GNL2: variants seen among roughly 807,000 people sequenced by gnomAD.
GNL2 encodes G protein nucleolar 2.
GNL2 carries 51 observed loss-of-function variants against 92.3 expected under a neutral mutation model. The observed-to-expected ratio is 0.55, with a 90% CI of 0.44 to 0.70. The LOEUF (loss-of-function observed/expected upper bound fraction) is 0.70. GNL2 is among the 30% of genes least tolerant of loss of function. The probability of loss-of-function intolerance (pLI) is 0.00; values close to 1 mark genes in which losing one functional copy is unlikely to be tolerated. For missense variants in GNL2, 844 were observed against 895.6 expected (o/e 0.94, Z 0.74); for synonymous variants, 283 against 300.6 (o/e 0.94, Z 0.61).
chr1:37,577,589 T>A (rs996077192), intron 8 of GNL2, among the ~76,000 whole-genome samples: 26 of 152,114 alleles, frequency 1.7e-4, no homozygotes, highest in Non-Finnish European at 1.0e-4. Flanking sequence ...AAAAGTAGTA[T>A]CAAACTTGGC....
chr1:37,569,544 T>C, intron 12 of GNL2: 1 of 442,008 alleles, frequency 2.3e-6, no homozygotes, highest in Non-Finnish European at 4.0e-6. Context: ...TAAGACTATT[T>C]AAACCATTAA....
intron 4 of GNL2, 146 bp downstream of exon 4, chr1:37,590,560 G>A (rs1191563920): frequency 3.0e-6 from 2 of 672,912 alleles, no homozygotes; most frequent in Non-Finnish European, 5.1e-6. Flanking sequence ...AACATGAAAA[G>A]GTGAAAAGAG....
intron 4 of GNL2, among the ~76,000 whole-genome samples, chr1:37,588,456 C>G (rs1157601510): frequency 6.6e-6 from 1 of 152,144 alleles, no homozygotes; most frequent in East Asian, 1.9e-4. Context: ...ACCCACAACT[C>G]AGTTTAGTTT....
In GNL2 at chr1:37,575,534, AG is replaced by A; in HGVS notation, c.1143+60del. On this transcript the variant is annotated intron_variant, in intron 10 of 15. Coordinates refer to ENST00000373062, the MANE Select transcript of GNL2 (RefSeq NM_013285.3). This position sits in a 1 kb window ranked among gnomAD's most constrained non-coding sequence, Gnocchi z 4.1. ...TAATAAGTAAAAAGGAAAGGTATCCAGGGTTCCCTATAGAACACTCCCCCGC... is the reference window on the plus strand; with the variant it reads ...TAATAAGTAAAAAGGAAAGGTATCCAGGTTCCCTATAGAACACTCCCCCGC... 1.1e-6 allele frequency: 1 copy of A among 951,930 alleles called. No individual in the cohort carries two copies. The highest frequency in any genetic ancestry group is 1.6e-6 in the Non-Finnish European group (1 of 644,134). 59.0% of individuals were successfully genotyped at this position (951,930 alleles called of 1,614,324 possible). A position where few individuals can be genotyped will look rare whatever the true frequency, so the allele number is the denominator to read the frequency against.
At chr1:37,588,924 T>C (rs1643871619) in intron 4 of GNL2, among the ~76,000 whole-genome samples, 1 of 152,260 alleles carries the variant, frequency 6.6e-6, no homozygotes, top group African/African-American at 2.4e-5. Context: ...ACAAAGAAGC[T>C]GACTGGTGCA....
intron 12 of GNL2, among the ~76,000 whole-genome samples, chr1:37,574,036 G>A (rs1309070419): frequency 3.3e-5 from 5 of 152,100 alleles, no homozygotes; most frequent in African/African-American, 1.2e-4. Flanking sequence ...GGGACTACAG[G>A]AGCGTGCCAT....
rs1003758434 is a variant in GNL2, at chr1:37,575,093, T to C, written c.1144-270A>G. On this transcript the variant is annotated intron_variant, in intron 10 of 15. Transcript: ENST00000373062. The surrounding 1 kb of genome is among the most constrained non-coding windows in gnomAD (Gnocchi z 4.1). ...CTGCCACAGTTTAAACTTGGAATGC[T>C]TCATGTTACTCACTTGCAGAAATGG... 6.6e-6 allele frequency among the ~76,000 whole-genome samples: 1 copy of C among 152,194 alleles called. No homozygotes were observed. Among genetic ancestry groups the C allele is most frequent in the African/African-American group, 2.4e-5 (1 of 41,448 alleles).
chr1:37,593,667 G>A (rs1643901478), intron 2 of GNL2, 95 bp downstream of exon 2: 2 of 767,198 alleles, frequency 2.6e-6, no homozygotes, highest in African/African-American at 1.7e-5. Flanking sequence ...CTATTTGGAG[G>A]AAGTGGGGGT....
chr1:37,591,021 C>T (rs113503602), intron 3 of GNL2, among the ~76,000 whole-genome samples, 176 bp from the exon 4 acceptor site: 46 of 152,292 alleles, frequency 3.0e-4, no homozygotes, highest in African/African-American at 1.1e-3. Context: ...CTGCCTCTCC[C>T]GCACTTGCAC....
intron 12 of GNL2, chr1:37,569,788 C>T (rs1643567619): frequency 6.5e-6 from 1 of 153,926 alleles, no homozygotes; most frequent in Non-Finnish European, 1.4e-5. Flanking sequence ...GTCCAAATCT[C>T]ATCTTGATTT....
intron 8 of GNL2, among the ~76,000 whole-genome samples, chr1:37,581,724 G>C (rs576555044): frequency 1.1e-4 from 16 of 152,202 alleles, no homozygotes; most frequent in Admixed American, 3.3e-4. Context: ...GGGTGCAGTG[G>C]CGCAATCTCG....
chr1:37,583,111 T>G lies in GNL2; in HGVS notation c.637-175A>C, dbSNP rs188893267. On this transcript the variant is annotated intron_variant, in intron 6 of 15. Coordinates refer to ENST00000373062, the MANE Select transcript of GNL2 (RefSeq NM_013285.3). ...CCCAGTGATCAGAATTCAAAAGGTT[T>G]TTCATCCTGTGGCTTTTGAAACCTG... 8 of 420,680 alleles carry G rather than the reference T, an allele frequency of 1.9e-5. No individual in the cohort carries two copies. The Admixed American group carries it at 3.3e-4, about 18-fold the overall frequency. 26.1% of individuals were successfully genotyped at this position (420,680 alleles called of 1,614,324 possible).
At chr1:37,587,277 AAAC>A in intron 5 of GNL2, 31 bp downstream of exon 5, 4 of 1,505,924 alleles carry the variant, frequency 2.7e-6, no homozygotes, top group South Asian at 1.2e-5. Context: ...AAAAAAAAAA[AAAC>A]AAAAACAAAG....
In GNL2 at chr1:37,568,954, C is replaced by T. The variant is rs1436527702; in HGVS notation, c.1765G>A (p.Val589Met). Reference sequence around the variant, plus strand: ...ATAACGGCTTTGGTGTCGTTTCCCACATTTTCCTCCTCAGGCTCCGAGGAA... The same window carrying T: ...ATAACGGCTTTGGTGTCGTTTCCCATATTTTCCTCCTCAGGCTCCGAGGAA... ...ESSSEPEEEN[V>M]GNDTKAVIKA... is the part of the protein sequence containing the mutation. Residue 589 changes from valine to methionine, a missense_variant, in exon 13 of 16, where the codon GTG (valine) becomes ATG (methionine). Val to Met is a conservative substitution (Grantham distance 21). Coordinates refer to ENST00000373062, the MANE Select transcript of GNL2 (RefSeq NM_013285.3). 7 of 1,614,012 alleles carry T rather than the reference C, an allele frequency of 4.3e-6. No homozygotes were observed. The highest frequency in any genetic ancestry group is 3.4e-6 in the Non-Finnish European group (4 of 1,179,970).
At chr1:37,567,104 A>G in intron 15 of GNL2, 97 bp from the exon 16 acceptor site, 3 of 1,290,706 alleles carry the variant, frequency 2.3e-6, no homozygotes, top group Non-Finnish European at 2.2e-6. Context: ...TCTGTGTTCT[A>G]TTTCCCGTGC....
At chr1:37,571,946 C>T (rs146797879) in intron 12 of GNL2, among the ~76,000 whole-genome samples, 277 of 152,090 alleles carry the variant, frequency 1.8e-3, no homozygotes, top group African/African-American at 6.0e-3. Context: ...TCCTGGCCCA[C>T]GACATTCCAG....
chr1:37,594,589 T>G (rs1328350970), intron 1 of GNL2, among the ~76,000 whole-genome samples: 2 of 152,206 alleles, frequency 1.3e-5, no homozygotes, highest in East Asian at 3.9e-4. Flanking sequence ...TCACCCAGGC[T>G]GGAGTGCAGT....
chr1:37,567,690 C>A lies in GNL2; in HGVS notation c.2026G>T (p.Ala676Ser). Residue 676 changes from alanine to serine, a missense_variant, in exon 15 of 16, where the codon GCG becomes TCG. Coordinates refer to ENST00000373062, the MANE Select transcript of GNL2 (RefSeq NM_013285.3). ...ACACTTACTTCTTTTGATGTAAGCGCCCTGGGAGCTTTATTTGAATGTTCC... is the reference window on the plus strand; with the variant it reads ...ACACTTACTTCTTTTGATGTAAGCGACCTGGGAGCTTTATTTGAATGTTCC... Reference protein sequence around the residue: ...EQEHSNKAPRALTSKERRRAV... With the variant: ...EQEHSNKAPRSLTSKERRRAV... 1 of 1,612,268 alleles carries A rather than the reference C, an allele frequency of 6.2e-7. No homozygotes were observed.
intron 5 of GNL2, among the ~76,000 whole-genome samples, chr1:37,586,630 T>C (rs1317201072): frequency 6.6e-6 from 1 of 152,222 alleles, no homozygotes; most frequent in Non-Finnish European, 1.5e-5. Context: ...AGCCCCGATA[T>C]TCACAGAGGC....
Sources: allele counts gnomAD v4.1 joint callset (sites outside exome capture counted in the v4.1 genomes callset), GRCh38; gene constraint gnomAD v4.1.1; non-coding constraint Gnocchi (gnomAD v3.1); transcripts MANE v1.5; gene names NCBI Gene and HGNC (gene_info 2026-07-23, HGNC 2026-07-21).